CALN1: variants seen among roughly 807,000 people sequenced by gnomAD.
CALN1 encodes calneuron 1.
CALN1 carries 17 observed loss-of-function variants against 30.6 expected under a neutral mutation model. That is an observed-to-expected ratio of 0.56 (90% CI 0.38 to 0.83). The LOEUF is 0.83. Ranked by LOEUF, CALN1 falls within the 40% of genes least tolerant of loss-of-function variation. CALN1 has a pLI of 0.00. For missense variants in CALN1, 291 were observed against 354.9 expected (o/e 0.82, Z 1.45); for synonymous variants, 156 against 131.4 (o/e 1.19, Z -1.28).
At chr7:72,000,773 G>T (rs1443959846) in intron 5 of CALN1, among the ~76,000 whole-genome samples, 1 of 152,130 alleles carries the variant, frequency 6.6e-6, no homozygotes, top group Non-Finnish European at 1.5e-5. Flanking sequence ...CATGAACTTA[G>T]ATGTAAGAAT....
At chr7:72,194,794 G>A (rs1790874874) in intron 3 of CALN1, among the ~76,000 whole-genome samples, 1 of 151,874 alleles carries the variant, frequency 6.6e-6, no homozygotes, top group Non-Finnish European at 1.5e-5. Context: ...GTTTCACCAT[G>A]TTGGCCAGGA....
At chr7:71,944,594 CAAAAAA>C (rs10677940) in intron 5 of CALN1, among the ~76,000 whole-genome samples, 10 of 60,002 alleles carry the variant, frequency 1.7e-4, no homozygotes, top group South Asian at 9.1e-4. Context: ...AACTCCATCC[CAAAAAA>C]AAAAAAAAAA....
chr7:72,224,066 G>A lies in CALN1; in HGVS notation c.244+54620C>T, dbSNP rs989502571. On this transcript the variant is annotated intron_variant, in intron 3 of 6. Transcript: ENST00000395275. ...ATTGGGTGCTATGCTCATTACCTGG[G>A]TGACAGGATCAATCGTACCCCAATA... Among the ~76,000 whole-genome samples the A allele has an allele frequency of 2.0e-5, 3 of 152,092 alleles. No individual in the cohort carries two copies. In the South Asian group the frequency reaches 6.2e-4, roughly 32 times the overall value.
chr7:71,988,477 G>C (rs1425986737), intron 5 of CALN1, among the ~76,000 whole-genome samples: 1 of 152,200 alleles, frequency 6.6e-6, no homozygotes, highest in African/African-American at 2.4e-5. Flanking sequence ...AATAGACTCA[G>C]AGAGCATACT....
At chr7:72,201,506 G>A (rs10238798) in intron 3 of CALN1, among the ~76,000 whole-genome samples, 4,004 of 151,840 alleles carry the variant, frequency 0.026, 149 homozygotes, top group African/African-American at 0.082. Flanking sequence ...CAGGAGGATC[G>A]CTTGAACCTG....
At chr7:72,092,356 A>T (rs2129539877) in intron 4 of CALN1, among the ~76,000 whole-genome samples, 1 of 152,206 alleles carries the variant, frequency 6.6e-6, no homozygotes, top group South Asian at 2.1e-4. Context: ...CCTAATACAT[A>T]GTCATGTTTT....
intron 5 of CALN1, among the ~76,000 whole-genome samples, chr7:71,967,581 G>A (rs377752068): frequency 5.4e-4 from 79 of 146,090 alleles, no homozygotes; most frequent in African/African-American, 1.9e-3. Flanking sequence ...ACCCGTGATC[G>A]TGTCACTGCA....
chr7:72,157,334 G>A (rs1259882219), intron 3 of CALN1, among the ~76,000 whole-genome samples: 4 of 152,118 alleles, frequency 2.6e-5, no homozygotes, highest in Admixed American at 2.0e-4. Context: ...ACGCTGGCTG[G>A]GTGCAGTGGC....
At position 72,381,866 on chromosome 7, in the gene CALN1, T is replaced by C. The variant is rs560500470; in HGVS notation, c.119+21385A>G. Among the ~76,000 whole-genome samples the C allele has an allele frequency of 9.2e-5, 14 of 152,220 alleles. No homozygotes were observed. In the South Asian group the frequency reaches 2.1e-3, roughly 23 times the overall value. On this transcript the variant is annotated intron_variant, in intron 2 of 6. Coordinates refer to ENST00000395275, the MANE Select transcript of CALN1 (RefSeq NM_031468.4). ...TATCCCAGAACTTAAAGTAAAATTT[T>C]AGAAAAAGAATTATAGATGCTCCAA...
Position 71,802,580 on chromosome 7 carries a change from A to C in CALN1, c.658+7756T>G, listed in dbSNP as rs28444245. The stretch of plus-strand genomic sequence containing the variant: ...TGGGCTCAAGTGATCCCTCCACCTC[A>C]GCCTCCCGAATAGCTGAGACTACAG... On this transcript the variant is annotated intron_variant, in intron 6 of 6. Transcript: ENST00000395275. Among the ~76,000 whole-genome samples, 268 of 152,314 alleles carry C rather than the reference A, an allele frequency of 1.8e-3. 1 individual carries two copies. Among genetic ancestry groups the C allele is most frequent in the African/African-American group, 6.1e-3 (253 of 41,574 alleles).
intron 5 of CALN1, among the ~76,000 whole-genome samples, chr7:71,915,120 G>A (rs930251320): frequency 1.3e-5 from 2 of 152,116 alleles, no homozygotes; most frequent in African/African-American, 2.4e-5. Flanking sequence ...CCAGGTCAAC[G>A]TTCAAGAAGC....
chr7:71,792,835 T>C (rs1461622407), intron 6 of CALN1, among the ~76,000 whole-genome samples: 1 of 151,882 alleles, frequency 6.6e-6, no homozygotes, highest in Non-Finnish European at 1.5e-5. Context: ...GGGAGAAAGT[T>C]TTTGCTGAAG....
At chr7:72,318,936 G>C (rs1383755637) in intron 2 of CALN1, among the ~76,000 whole-genome samples, 5 of 151,666 alleles carry the variant, frequency 3.3e-5, no homozygotes, top group Admixed American at 6.6e-5. Context: ...CTGTTAGTGT[G>C]AATACAAATG....
At chr7:71,984,888 T>C (rs1041184281) in intron 5 of CALN1, among the ~76,000 whole-genome samples, 8 of 152,208 alleles carry the variant, frequency 5.3e-5, no homozygotes, top group African/African-American at 1.7e-4. Context: ...CATGGTTGGC[T>C]GTTATCCTCA....
chr7:72,208,769 G>A (rs1050459157), intron 3 of CALN1, among the ~76,000 whole-genome samples: 1 of 152,176 alleles, frequency 6.6e-6, no homozygotes, highest in African/African-American at 2.4e-5. Context: ...GTTGAGCTAA[G>A]AGGCCAGACA....
chr7:71,867,003 G>A (rs1281815408), intron 5 of CALN1, among the ~76,000 whole-genome samples: 1 of 151,980 alleles, frequency 6.6e-6, no homozygotes, highest in African/African-American at 2.4e-5. Flanking sequence ...AAATTAGCCA[G>A]GGGTGGTGGT....
chr7:72,190,322 G>A (rs1481371047), intron 3 of CALN1, among the ~76,000 whole-genome samples: 1 of 152,202 alleles, frequency 6.6e-6, no homozygotes, highest in Non-Finnish European at 1.5e-5. Flanking sequence ...CTGCACTCCA[G>A]CCTGGGTGAC....
At chr7:72,149,489 A>T (rs1206991964) in intron 3 of CALN1, among the ~76,000 whole-genome samples, 6 of 152,042 alleles carry the variant, frequency 3.9e-5, no homozygotes, top group Non-Finnish European at 7.4e-5. Context: ...AATTAAAATT[A>T]AAAAACCCCT....
intron 3 of CALN1, among the ~76,000 whole-genome samples, chr7:72,147,021 GA>G: frequency 6.6e-6 from 1 of 152,274 alleles, no homozygotes. Flanking sequence ...AACCCTAGAA[GA>G]AAACCTAGGC....
Sources: gnomAD v4.1 joint callset for allele counts (sites outside exome capture counted in the v4.1 genomes callset) on GRCh38, gnomAD v4.1.1 for gene constraint, MANE v1.5 for transcripts, NCBI Gene and HGNC (gene_info 2026-07-23, HGNC 2026-07-21) for gene names.